Variants in PTPRK observed in about 807,000 individuals in gnomAD.
The protein encoded by PTPRK is protein tyrosine phosphatase receptor type K.
In PTPRK, 75 loss-of-function variants were observed where a neutral mutation model predicts 178.0. The observed-to-expected ratio is 0.42, with a 90% CI of 0.35 to 0.51. The LOEUF (loss-of-function observed/expected upper bound fraction) is 0.51, where lower values mean the gene tolerates loss of function less well. Among genes scored for constraint, PTPRK ranks in the 20% least tolerant of loss-of-function variants. The pLI, the probability that PTPRK is intolerant of heterozygous loss-of-function variation, is 0.02. For synonymous variants in PTPRK, 637 were observed against 620.6 expected, an observed-to-expected ratio of 1.03 and a Z score of -0.39; for missense variants, 1,441 against 1,797.8, an observed-to-expected ratio of 0.80 and a Z score of 3.59.
chr6:127,995,929 G>A (rs1389852071), intron 17 of PTPRK, among the ~76,000 whole-genome samples: 1 of 152,064 alleles, frequency 6.6e-6, no homozygotes, highest in Non-Finnish European at 1.5e-5. Context: ...ATTAAAAAGT[G>A]AATTTTGAAT....
intron 7 of PTPRK, among the ~76,000 whole-genome samples, chr6:128,093,713 T>C (rs994924286): frequency 2.7e-5 from 4 of 150,788 alleles, no homozygotes; most frequent in African/African-American, 9.8e-5. Flanking sequence ...TGAGTGGTTA[T>C]ATTTCAATGT....
chr6:128,471,803 T>C (rs1279174588), intron 1 of PTPRK, among the ~76,000 whole-genome samples: 1 of 151,886 alleles, frequency 6.6e-6, no homozygotes, highest in Non-Finnish European at 1.5e-5. Context: ...ACACTGTATT[T>C]GGGGCTGGGT....
rs1026954936 is a variant in PTPRK, at chr6:127,990,896, A to G, written c.2980-11T>C. ...TTTATAGCATTTAACCTAAGTGACA[A>G]AAAGAATATATAGACAGACCTGAAT... On this transcript the variant is annotated splice_polypyrimidine_tract_variant and intron_variant, in intron 20 of 29. Coordinates refer to ENST00000368226, the MANE Select transcript of PTPRK (RefSeq NM_002844.4). The G allele has an allele frequency of 1.3e-6, 2 of 1,485,706 alleles. No homozygotes were observed. The highest frequency in any genetic ancestry group is 1.9e-6 in the Non-Finnish European group (2 of 1,064,028). 92.0% of individuals were successfully genotyped at this position (1,485,706 alleles called of 1,614,324 possible).
At chr6:128,490,960 T>C (rs1853677684) in intron 1 of PTPRK, among the ~76,000 whole-genome samples, 1 of 152,202 alleles carries the variant, frequency 6.6e-6, no homozygotes, top group Non-Finnish European at 1.5e-5. Flanking sequence ...TATGACATCA[T>C]TTAACCTTAA....
At chr6:127,992,223 CTCTT>C (rs1260131661) in intron 19 of PTPRK, among the ~76,000 whole-genome samples, 2 of 151,756 alleles carry the variant, frequency 1.3e-5, no homozygotes, top group African/African-American at 4.8e-5. Flanking sequence ...TAAATTCCAT[CTCTT>C]TGTTTTGTCT....
At chr6:128,424,300 G>A (rs1006774530) in intron 1 of PTPRK, among the ~76,000 whole-genome samples, 25 of 152,154 alleles carry the variant, frequency 1.6e-4, no homozygotes, top group African/African-American at 5.8e-4. Flanking sequence ...AAGATATAGT[G>A]CAGAGAAAGA....
intron 1 of PTPRK, among the ~76,000 whole-genome samples, chr6:128,426,348 C>T (rs1844137976): frequency 6.6e-6 from 1 of 152,164 alleles, no homozygotes; most frequent in East Asian, 1.9e-4. Context: ...CCAGAGAACA[C>T]TGTTTCTATT....
chr6:128,460,764 TC>T (rs1848958220), intron 1 of PTPRK, among the ~76,000 whole-genome samples: 1 of 152,202 alleles, frequency 6.6e-6, no homozygotes, highest in Admixed American at 6.5e-5. Context: ...AAAATGCTTC[TC>T]CCCATTTTAA....
intron 7 of PTPRK, among the ~76,000 whole-genome samples, chr6:128,093,613 A>AC (rs1787390482): frequency 1.3e-5 from 2 of 148,724 alleles, no homozygotes; most frequent in African/African-American, 4.9e-5. Flanking sequence ...AAAAAAAAAA[A>AC]AAAAAAAAAA....
chr6:128,312,297 T>A (rs1827347773), intron 3 of PTPRK, among the ~76,000 whole-genome samples: 1 of 152,160 alleles, frequency 6.6e-6, no homozygotes, highest in African/African-American at 2.4e-5. Flanking sequence ...AGCAGTTGTT[T>A]TTAGGTGTTA....
chr6:128,517,043 A>C (rs901396798), intron 1 of PTPRK, among the ~76,000 whole-genome samples: 1 of 151,570 alleles, frequency 6.6e-6, no homozygotes, highest in Non-Finnish European at 1.5e-5. Context: ...TTAAACAATA[A>C]TTAAATGAAT....
At chr6:128,432,980 T>C (rs1398126515) in intron 1 of PTPRK, among the ~76,000 whole-genome samples, 1 of 152,164 alleles carries the variant, frequency 6.6e-6, no homozygotes, top group Non-Finnish European at 1.5e-5. Flanking sequence ...CAATTCCCTT[T>C]AACTATTTGT....
chr6:128,054,611 C>T (rs2114888201), intron 13 of PTPRK, among the ~76,000 whole-genome samples: 1 of 152,274 alleles, frequency 6.6e-6, no homozygotes, highest in African/African-American at 2.4e-5. Context: ...AAGGCTAATG[C>T]TATTTGCAGT....
intron 10 of PTPRK, among the ~76,000 whole-genome samples, chr6:128,081,730 A>C (rs73584656): frequency 0.014 from 2,201 of 152,100 alleles, 45 homozygotes; most frequent in African/African-American, 0.051. Flanking sequence ...TTAAATAAGA[A>C]AAAACATTAT....
At chr6:127,996,660 A>G (rs1159478695) in intron 17 of PTPRK, among the ~76,000 whole-genome samples, 2 of 152,032 alleles carry the variant, frequency 1.3e-5, no homozygotes, top group Non-Finnish European at 1.5e-5. Context: ...TAGTAGAAAT[A>G]GAGTTTTGCC....
Position 128,082,452 on chromosome 6 carries a change from T to G in PTPRK, c.1762A>C (p.Thr588Pro). The stretch of plus-strand genomic sequence containing the variant: ...ATTTGCATACCTGAGATATTGGTGG[T>G]GACATTGATGGCTGTGGCTGGACCA... ...GFGPATAINV[T>P]TNISAPTLPD... Residue 588 changes from threonine (T) to proline (P), a missense_variant, in exon 10 of 30, where the codon ACC becomes CCC. By Grantham distance (38) the Thr-to-Pro change is conservative. Transcript: ENST00000368226. 6.2e-7 allele frequency: 1 copy of G among 1,608,436 alleles called. No individual in the cohort carries two copies. The highest frequency in any genetic ancestry group is 8.5e-7 in the Non-Finnish European group (1 of 1,174,968).
chr6:128,079,156 C>A (rs1784364434), intron 10 of PTPRK, among the ~76,000 whole-genome samples: 1 of 151,934 alleles, frequency 6.6e-6, no homozygotes. Flanking sequence ...CAATTTATGA[C>A]ACACATTCCA....
intron 24 of PTPRK, 98 bp from the exon 25 acceptor site, chr6:127,981,387 AGGAT>A: frequency 2.7e-6 from 3 of 1,112,730 alleles, no homozygotes; most frequent in Non-Finnish European, 3.8e-6. Context: ...TAGAAAGTGA[AGGAT>A]TTGTGCGAGG....
chr6:128,308,472 AT>A (rs547699430), intron 3 of PTPRK, among the ~76,000 whole-genome samples: 89 of 151,748 alleles, frequency 5.9e-4, no homozygotes, highest in Non-Finnish European at 1.1e-3. Context: ...ATTTAGAGGA[AT>A]TTTTTTTAAA....
Sources: gnomAD v4.1 joint callset for allele counts (sites outside exome capture counted in the v4.1 genomes callset) on GRCh38, gnomAD v4.1.1 for gene constraint, MANE v1.5 for transcripts, NCBI Gene and HGNC (gene_info 2026-07-23, HGNC 2026-07-21) for gene names.